The following XPO4 variants were observed in gnomAD, a reference collection of about 807,000 sequenced individuals.
The protein encoded by XPO4 is exportin-4.
XPO4 carries 39 observed loss-of-function variants against 143.0 expected under a neutral mutation model. The observed-to-expected ratio is 0.27, with a 90% CI of 0.21 to 0.36. The LOEUF is 0.36. Ranked by LOEUF, XPO4 falls within the 10% of genes least tolerant of loss-of-function variation. The probability of loss-of-function intolerance (pLI) is 1.00; values close to 1 mark genes in which losing one functional copy is unlikely to be tolerated. For missense variants in XPO4, 907 were observed against 1,348.0 expected (o/e 0.67, Z 5.12); for synonymous variants, 439 against 474.0 (o/e 0.93, Z 0.96).
Position 20,891,554 on chromosome 13 carries a change from T to C in XPO4, c.69+11116A>G, listed in dbSNP as rs186259112. On this transcript the variant is annotated intron_variant, in intron 1 of 22. Transcript: ENST00000255305. Reference sequence around the variant, plus strand: ...CCTGAGGTAGTGGTTATTATTTCTCTATTTTTTTAAAAAAGATGGGCTCTT... The same window carrying C: ...CCTGAGGTAGTGGTTATTATTTCTCCATTTTTTTAAAAAAGATGGGCTCTT... Among the ~76,000 whole-genome samples, 87 of 152,264 alleles carry C rather than the reference T, an allele frequency of 5.7e-4. 1 individual carries two copies. In the South Asian group the frequency reaches 8.1e-3, roughly 14 times the overall value.
chr13:20,821,030 T>C (rs2137954530), intron 9 of XPO4, among the ~76,000 whole-genome samples: 1 of 152,196 alleles, frequency 6.6e-6, no homozygotes, highest in East Asian at 1.9e-4. Context: ...TCAGAGTAAC[T>C]GTTACAAAAG....
chr13:20,797,105 T>C (rs1428778728), intron 16 of XPO4, 48 bp from the exon 17 acceptor site: 3 of 1,502,894 alleles, frequency 2.0e-6, no homozygotes, highest in Admixed American at 2.2e-5. Flanking sequence ...TCTCATGCTT[T>C]ATTTCCTCTG....
At chr13:20,800,735 T>C in intron 14 of XPO4, 96 bp downstream of exon 14, 1 of 1,464,604 alleles carries the variant, frequency 6.8e-7, no homozygotes, top group Non-Finnish European at 9.2e-7. Context: ...TCTTAAACAG[T>C]TCTATTTTGA....
chr13:20,787,367 G>A, intron 21 of XPO4, 114 bp downstream of exon 21: 2 of 996,044 alleles, frequency 2.0e-6, no homozygotes, highest in Non-Finnish European at 3.1e-6. Context: ...GGAAGTCATG[G>A]TTTCCTTGCC....
At chr13:20,892,889 T>TAAAAAAA (rs71200313) in intron 1 of XPO4, among the ~76,000 whole-genome samples, 2 of 139,256 alleles carry the variant, frequency 1.4e-5, no homozygotes, top group African/African-American at 5.6e-5. Flanking sequence ...AAGTAAAAAA[T>TAAAAAAA]AAAAAAAAAA....
chr13:20,868,849 T>C, intron 1 of XPO4, 148 bp from the exon 2 acceptor site: 4 of 648,714 alleles, frequency 6.2e-6, no homozygotes, highest in Non-Finnish European at 7.4e-6. Flanking sequence ...GGAATTATAG[T>C]ATAAAACTTG....
chr13:20,862,571 C>T lies in XPO4; in HGVS notation c.317+146G>A, dbSNP rs559215443. 2.6e-5 allele frequency: 25 copies of T among 966,370 alleles called. No homozygotes were observed. The African/African-American group carries it at 3.6e-4, about 14-fold the overall frequency. 59.9% of individuals were successfully genotyped at this position (966,370 alleles called of 1,614,324 possible). The stretch of plus-strand genomic sequence containing the variant: ...TCAAACTCCTGGGCTCAAGGAGATC[C>T]TCCCTCTCAGCCTCCCAAAGTGGAG... On this transcript the variant is annotated intron_variant, in intron 3 of 22. Coordinates refer to ENST00000255305, the MANE Select transcript of XPO4 (RefSeq NM_022459.5).
At chr13:20,883,957 G>A (rs985360234) in intron 1 of XPO4, among the ~76,000 whole-genome samples, 1 of 152,076 alleles carries the variant, frequency 6.6e-6, no homozygotes, top group Non-Finnish European at 1.5e-5. Context: ...GTAGAGATGG[G>A]GTTTCTCCAT....
chr13:20,795,308 CAT>C (rs1022612830), intron 18 of XPO4, among the ~76,000 whole-genome samples: 1 of 152,194 alleles, frequency 6.6e-6, no homozygotes, highest in African/African-American at 2.4e-5. Flanking sequence ...AAACTATACA[CAT>C]ATATGAGGTT....
chr13:20,817,580 C>T (rs771867241), intron 9 of XPO4, among the ~76,000 whole-genome samples: 1 of 152,150 alleles, frequency 6.6e-6, no homozygotes, highest in Non-Finnish European at 1.5e-5. Flanking sequence ...TACCTCAATG[C>T]TATGAAGGCT....
intron 4 of XPO4, chr13:20,850,087 C>T (rs998126303): frequency 6.1e-5 from 60 of 981,098 alleles, no homozygotes; most frequent in Non-Finnish European, 7.1e-5. Context: ...GCCTGGGCGA[C>T]AGAGCAAGAC....
intron 13 of XPO4, among the ~76,000 whole-genome samples, chr13:20,801,883 C>T (rs1036421920): frequency 3.3e-5 from 5 of 152,180 alleles, no homozygotes; most frequent in Non-Finnish European, 5.9e-5. Flanking sequence ...CTTTACCCCA[C>T]TGGATGGCCC....
intron 7 of XPO4, among the ~76,000 whole-genome samples, chr13:20,826,517 G>C (rs938869153): frequency 6.6e-6 from 1 of 152,140 alleles, no homozygotes; most frequent in Non-Finnish European, 1.5e-5. Flanking sequence ...TTTCCCCGAG[G>C]CCACACGATG....
chr13:20,790,636 T>C lies in XPO4; in HGVS notation c.2798-56A>G, dbSNP rs1337666467. On this transcript the variant is annotated intron_variant, in intron 18 of 22. Transcript: ENST00000255305. The stretch of plus-strand genomic sequence containing the variant: ...TGGTAACATCAATAAATCTTCCAAG[T>C]GTGTATTCTACCCTTATGAAAATAA... 9.6e-6 allele frequency: 13 copies of C among 1,360,158 alleles called. No homozygotes were observed. The Admixed American group carries it at 2.2e-4, about 23-fold the overall frequency. The allele number at this position is 1,360,158 out of a possible 1,614,324, so 84.3% of individuals were successfully genotyped here. A position where few individuals can be genotyped will look rare whatever the true frequency, so the allele number is the denominator to read the frequency against.
intron 1 of XPO4, among the ~76,000 whole-genome samples, chr13:20,900,701 C>T (rs1420062778): frequency 1.3e-5 from 2 of 151,672 alleles, no homozygotes; most frequent in Admixed American, 1.3e-4. Context: ...CAACCTCTGC[C>T]TCCTGGTTCA....
Position 20,853,287 on chromosome 13 carries a change from T to C in XPO4, c.456+2340A>G, listed in dbSNP as rs562332732. Among the ~76,000 whole-genome samples the C allele has an allele frequency of 1.2e-4, 17 of 140,786 alleles. No homozygotes were observed. In the East Asian group the frequency reaches 3.2e-3, roughly 27 times the overall value. The allele number at this position is 140,786 out of a possible 152,430, so 92.4% of individuals were successfully genotyped here. ...TCGGGGCTGCAGTGAGCTGTAATCA[T>C]ATCACTGCACTCCACAGACTGTGCA... On this transcript the variant is annotated intron_variant, in intron 4 of 22. Transcript: ENST00000255305.
chr13:20,854,872 C>T (rs1310538230), intron 4 of XPO4, among the ~76,000 whole-genome samples: 6 of 152,148 alleles, frequency 3.9e-5, no homozygotes, highest in Admixed American at 3.9e-4. Context: ...GTTCAGTTGA[C>T]AGTAACTCCT....
intron 1 of XPO4, among the ~76,000 whole-genome samples, chr13:20,879,644 G>A (rs1187044809): frequency 2.0e-5 from 3 of 151,948 alleles, no homozygotes; most frequent in African/African-American, 7.3e-5. Flanking sequence ...TCAGACAAAC[G>A]AAACTCACAA....
At chr13:20,792,578 CAAACAAAT>C (rs2059299489) in intron 18 of XPO4, among the ~76,000 whole-genome samples, 1 of 150,414 alleles carries the variant, frequency 6.6e-6, no homozygotes, top group African/African-American at 2.5e-5. Context: ...CAAAAACAAA[CAAACAAAT>C]AAACAAACAA....
Sources: gnomAD v4.1 joint callset for allele counts (sites outside exome capture counted in the v4.1 genomes callset) on GRCh38, gnomAD v4.1.1 for gene constraint, MANE v1.5 for transcripts, NCBI Gene and HGNC (gene_info 2026-07-23, HGNC 2026-07-21) for gene names.